The following FAM120A variants were observed in gnomAD, a reference collection of about 807,000 sequenced individuals.
FAM120A encodes constitutive coactivator of PPAR-gamma-like protein 1.
FAM120A carries 15 observed loss-of-function variants against 109.7 expected under a neutral mutation model. The ratio of observed to expected loss-of-function variants is 0.14; its 90% confidence interval spans 0.09 to 0.21. FAM120A has a LOEUF of 0.21. Ranked by LOEUF, FAM120A falls within the 10% of genes least tolerant of loss-of-function variation. The probability of loss-of-function intolerance (pLI) is 1.00; values close to 1 mark genes in which losing one functional copy is unlikely to be tolerated. For synonymous variants in FAM120A, 493 were observed against 572.8 expected (o/e 0.86, Z 1.99); for missense variants, 899 against 1,439.3 (o/e 0.62, Z 6.07).
intron 3 of FAM120A, among the ~76,000 whole-genome samples, chr9:93,490,472 G>A (rs1430300775): frequency 2.6e-5 from 4 of 152,186 alleles, no homozygotes; most frequent in Non-Finnish European, 2.9e-5. Flanking sequence ...AGAGTTTTCA[G>A]TCAACATGTT....
intron 17 of FAM120A, among the ~76,000 whole-genome samples, chr9:93,562,635 T>C (rs1862506842): frequency 6.6e-6 from 1 of 151,912 alleles, no homozygotes; most frequent in Non-Finnish European, 1.5e-5. Context: ...CAGCCACTTG[T>C]AGTTTCTTTT....
chr9:93,514,350 C>G (rs1010295181), intron 5 of FAM120A, among the ~76,000 whole-genome samples: 7 of 152,188 alleles, frequency 4.6e-5, no homozygotes, highest in South Asian at 2.1e-4. Context: ...GATGTGCAGC[C>G]TAACCATATC....
At chr9:93,483,564 G>T (rs1858914144) in intron 3 of FAM120A, among the ~76,000 whole-genome samples, 1 of 151,862 alleles carries the variant, frequency 6.6e-6, no homozygotes, top group African/African-American at 2.4e-5. Context: ...AAAATAATAA[G>T]AAACAATTTA....
At position 93,541,748 on chromosome 9, in the gene FAM120A, G is replaced by A. The variant is rs546197276; in HGVS notation, c.1910-1474G>A. Among the ~76,000 whole-genome samples, 6 of 152,316 alleles carry A rather than the reference G, an allele frequency of 3.9e-5. No individual in the cohort carries two copies. The South Asian group carries it at 8.3e-4, about 21-fold the overall frequency. ...CCCAGCTCTGCCCGGCAGGCTTCAC[G>A]TAAGGGGACACTATCTGGAGTTGGC... On this transcript the variant is annotated intron_variant, in intron 10 of 17. Coordinates refer to ENST00000277165, the MANE Select transcript of FAM120A (RefSeq NM_014612.5).
chr9:93,506,097 A>C (rs1289729942), intron 5 of FAM120A, among the ~76,000 whole-genome samples: 1 of 152,220 alleles, frequency 6.6e-6, no homozygotes, highest in Non-Finnish European at 1.5e-5. Context: ...CCTTGTAATA[A>C]TACTTGATGT....
At chr9:93,548,507 A>C (rs757707397) in intron 11 of FAM120A, among the ~76,000 whole-genome samples, 4 of 152,210 alleles carry the variant, frequency 2.6e-5, no homozygotes, top group Non-Finnish European at 5.9e-5. Flanking sequence ...GATGATGGTC[A>C]TGGTTGCACA....
chr9:93,497,454 T>A lies in FAM120A; in HGVS notation c.805-17T>A. The stretch of plus-strand genomic sequence containing the variant: ...TTGCTCACCATCCACTGTTGACACT[T>A]ACGTTTGTTTTCTCAGGTCCGGGCC... On this transcript the variant is annotated splice_polypyrimidine_tract_variant and intron_variant, in intron 3 of 17. Coordinates refer to ENST00000277165, the MANE Select transcript of FAM120A (RefSeq NM_014612.5). 6.2e-7 allele frequency: 1 copy of A among 1,611,674 alleles called. No individual in the cohort carries two copies. The highest frequency in any genetic ancestry group is 8.5e-7 in the Non-Finnish European group (1 of 1,179,288).
rs1271064618 is a variant in FAM120A, at chr9:93,451,872, C to A, written c.-44C>A. On this transcript the variant is annotated 5_prime_UTR_variant, in exon 1 of 18. Coordinates refer to ENST00000277165, the MANE Select transcript of FAM120A (RefSeq NM_014612.5). The stretch of plus-strand genomic sequence containing the variant: ...GCCACGGCCCCACCACCCCCGGCCC[C>A]GCCGCCCCCCGCCCGCACCCGCGCC... 1.8e-6 allele frequency: 2 copies of A among 1,136,676 alleles called. No individual in the cohort carries two copies. The highest frequency in any genetic ancestry group is 1.7e-5 in the African/African-American group (1 of 60,142). The allele number at this position is 1,136,676 out of a possible 1,614,324, so 70.4% of individuals were successfully genotyped here.
chr9:93,460,358 T>C (rs1276922800), intron 1 of FAM120A, among the ~76,000 whole-genome samples: 2 of 152,212 alleles, frequency 1.3e-5, no homozygotes, highest in South Asian at 2.1e-4. Flanking sequence ...TCGCTTTTTT[T>C]TGAGATGAAG....
intron 5 of FAM120A, among the ~76,000 whole-genome samples, chr9:93,512,346 T>C (rs1169544876): frequency 6.6e-6 from 1 of 152,204 alleles, no homozygotes; most frequent in African/African-American, 2.4e-5. Context: ...GTGAGTCCTT[T>C]GAGGAAGTAG....
chr9:93,516,342 G>A, intron 7 of FAM120A, 73 bp downstream of exon 7: 3 of 1,582,656 alleles, frequency 1.9e-6, no homozygotes, highest in Non-Finnish European at 8.6e-7. Context: ...TGGCCTGCCA[G>A]CCCAGCTGGT....
intron 2 of FAM120A, among the ~76,000 whole-genome samples, chr9:93,474,555 G>A (rs1424657128): frequency 2.0e-5 from 3 of 151,846 alleles, no homozygotes; most frequent in Non-Finnish European, 4.4e-5. Context: ...ATATTATTTC[G>A]AATTGAAGCT....
At chr9:93,472,848 G>C (rs1858369637) in intron 2 of FAM120A, among the ~76,000 whole-genome samples, 1 of 152,108 alleles carries the variant, frequency 6.6e-6, no homozygotes, top group African/African-American at 2.4e-5. Flanking sequence ...TCAAAGGAGA[G>C]TACATTTTAA....
chr9:93,462,632 A>G (rs1857844055), intron 1 of FAM120A, among the ~76,000 whole-genome samples: 1 of 152,108 alleles, frequency 6.6e-6, no homozygotes, highest in African/African-American at 2.4e-5. Flanking sequence ...ACCACCATCC[A>G]TTCCCAGAAT....
intron 13 of FAM120A, 106 bp from the exon 14 acceptor site, chr9:93,557,721 G>T: frequency 9.0e-7 from 1 of 1,113,098 alleles, no homozygotes. Flanking sequence ...CATGAATAAA[G>T]GGAACCAACT....
intron 5 of FAM120A, among the ~76,000 whole-genome samples, chr9:93,502,341 T>A (rs1006157290): frequency 6.6e-6 from 1 of 152,190 alleles, no homozygotes; most frequent in Non-Finnish European, 1.5e-5. Context: ...AATTTTAGAT[T>A]CCACCTCAAA....
intron 3 of FAM120A, 32 bp from the exon 4 acceptor site, chr9:93,497,435 ACCAT>A: frequency 6.2e-7 from 1 of 1,608,830 alleles, no homozygotes; most frequent in Non-Finnish European, 8.5e-7. Context: ...CTGGTTGCTC[ACCAT>A]CCACTGTTGA....
chr9:93,555,235 T>G (rs553371609), intron 12 of FAM120A, among the ~76,000 whole-genome samples: 2 of 152,280 alleles, frequency 1.3e-5, no homozygotes, highest in African/African-American at 4.8e-5. Context: ...GAGCTGGTGA[T>G]GTACAATAGG....
Position 93,451,864 on chromosome 9 carries a change from C to G in FAM120A, c.-52C>G. ...GCCCGCGCGCCACGGCCCCACCACC[C>G]CCGGCCCCGCCGCCCCCCGCCCGCA... On this transcript the variant is annotated 5_prime_UTR_variant, in exon 1 of 18. Transcript: ENST00000277165. The G allele has an allele frequency of 9.4e-7, 1 of 1,062,104 alleles. No individual in the cohort carries two copies. Among genetic ancestry groups the G allele is most frequent in the Non-Finnish European group, 1.1e-6 (1 of 879,056 alleles). 65.8% of individuals were successfully genotyped at this position (1,062,104 alleles called of 1,614,324 possible).
Sources: allele counts gnomAD v4.1 joint callset (sites outside exome capture counted in the v4.1 genomes callset), GRCh38; gene constraint gnomAD v4.1.1; transcripts MANE v1.5; gene names NCBI Gene and HGNC (gene_info 2026-07-23, HGNC 2026-07-21).